The following SFI1 variants were observed in gnomAD, a reference collection of about 807,000 sequenced individuals.
SFI1 encodes the protein protein SFI1 homolog.
In SFI1, 195 loss-of-function variants were observed where a neutral mutation model predicts 207.5. The observed-to-expected ratio is 0.94, with a 90% CI of 0.84 to 1.06. SFI1 has a LOEUF of 1.06. Ranked by LOEUF, SFI1 falls within the 50% of genes least tolerant of loss-of-function variation. The pLI is 0.00. For synonymous variants in SFI1, 630 were observed against 598.9 expected (o/e 1.05, Z -0.76); for missense variants, 1,634 against 1,588.0 (o/e 1.03, Z -0.49).
intron 15 of SFI1, among the ~76,000 whole-genome samples, chr22:31,590,076 C>A (rs2065634718): frequency 1.3e-5 from 2 of 151,640 alleles, no homozygotes; most frequent in African/African-American, 4.9e-5. Flanking sequence ...ATGAGATCTG[C>A]CCACGCAGGC....
chr22:31,545,133 G>A (rs756136647), intron 4 of SFI1, among the ~76,000 whole-genome samples: 1 of 151,774 alleles, frequency 6.6e-6, no homozygotes, highest in Non-Finnish European at 1.5e-5. Context: ...TTGGGAGGCC[G>A]AGGCAGGCAG....
intron 22 of SFI1, 63 bp downstream of exon 22, chr22:31,608,096 C>G (rs1049681327): frequency 3.8e-6 from 5 of 1,332,820 alleles, no homozygotes; most frequent in Admixed American, 1.7e-5. Flanking sequence ...TTGTGGAGAT[C>G]CCTGTGGCCC....
intron 15 of SFI1, among the ~76,000 whole-genome samples, chr22:31,593,596 C>T (rs113131947): frequency 0.17 from 17,308 of 99,416 alleles, 1,749 homozygotes; most frequent in East Asian, 0.39. Context: ...GACGGGGTGG[C>T]GGCCGGGCAG....
chr22:31,608,992 T>G (rs2069569704), intron 22 of SFI1, among the ~76,000 whole-genome samples: 1 of 151,810 alleles, frequency 6.6e-6, no homozygotes, highest in Non-Finnish European at 1.5e-5. Context: ...GGTGACAGAA[T>G]GAGACCCAGT....
intron 3 of SFI1, 46 bp downstream of exon 3, chr22:31,528,909 TCTC>T (rs774603752): frequency 1.3e-6 from 2 of 1,550,374 alleles, no homozygotes; most frequent in South Asian, 2.4e-5. Flanking sequence ...TTGCTTTTGT[TCTC>T]CTTTCTTGGT....
At chr22:31,521,087 TA>T (rs1298688585) in intron 2 of SFI1, 2 of 152,316 alleles carry the variant, frequency 1.3e-5, no homozygotes. Context: ...AAAAAATTTT[TA>T]AAAATTAGCC....
chr22:31,559,338 G>A lies in SFI1; in HGVS notation c.663-1952G>A, dbSNP rs549108344. 21 of 219,316 alleles carry A rather than the reference G, an allele frequency of 9.6e-5. No homozygotes were observed. In the Admixed American group the frequency reaches 9.7e-4, roughly 10 times the overall value. The allele number at this position is 219,316 out of a possible 1,614,324, so 13.6% of individuals were successfully genotyped here. A position where few individuals can be genotyped will look rare whatever the true frequency, so the allele number is the denominator to read the frequency against. Reference sequence around the variant, plus strand: ...CTCGGGAGGCTGAGGCATGAGAACCGCTTGAACAAACAAGGCAGACGTTGC... The same window carrying A: ...CTCGGGAGGCTGAGGCATGAGAACCACTTGAACAAACAAGGCAGACGTTGC... On this transcript the variant is annotated intron_variant, in intron 7 of 32. Coordinates refer to ENST00000400288, the MANE Select transcript of SFI1 (RefSeq NM_001007467.3).
At chr22:31,611,688 C>A in intron 23 of SFI1, 78 bp from the exon 24 acceptor site, 1 of 1,399,614 alleles carries the variant, frequency 7.1e-7, no homozygotes, top group Non-Finnish European at 9.8e-7. Flanking sequence ...TGGGCAGAGG[C>A]TGGGTTAGAT....
chr22:31,554,198 G>C (rs750791140), intron 6 of SFI1, among the ~76,000 whole-genome samples: 4 of 151,820 alleles, frequency 2.6e-5, no homozygotes, highest in African/African-American at 4.8e-5. Context: ...CCTTAACCCA[G>C]GGTCACAAAG....
intron 2 of SFI1, among the ~76,000 whole-genome samples, chr22:31,517,714 T>C (rs1351143017): frequency 1.3e-5 from 2 of 152,152 alleles, no homozygotes. Flanking sequence ...AAAAAACTGC[T>C]CTATAGTGCC....
rs536195193 is a variant in SFI1 at position 31,598,609 on chromosome 22, C to T, written c.1545-3603C>T. On this transcript the variant is annotated intron_variant, in intron 15 of 32. Transcript: ENST00000400288. ...TAATTTTTTGTATTTTTAGTAGAGA[C>T]GGGGTTTCACTGTTAGCCAGGATGG... Among the ~76,000 whole-genome samples the T allele has an allele frequency of 7.1e-4, 102 of 143,144 alleles. 1 individual carries two copies. The highest frequency in any genetic ancestry group is 2.6e-3 in the Admixed American group (37 of 14,106). The allele number at this position is 143,144 out of a possible 152,430, so 93.9% of individuals were successfully genotyped here.
At chr22:31,496,385 C>G (rs983224021), upstream of SFI1, 5 of 152,384 alleles carry the variant, frequency 3.3e-5, no homozygotes, top group African/African-American at 1.2e-4. Context: ...CTCATTGCTG[C>G]TGCTGCAAAG....
intron 17 of SFI1, among the ~76,000 whole-genome samples, chr22:31,603,104 A>C (rs937272224): frequency 6.6e-6 from 1 of 152,210 alleles, no homozygotes; most frequent in African/African-American, 2.4e-5. Context: ...TGGTGGCGCA[A>C]GCATGTAATC....
At chr22:31,575,478 C>T (rs1222260432) in intron 10 of SFI1, 86 bp downstream of exon 10, 1 of 1,353,354 alleles carries the variant, frequency 7.4e-7, no homozygotes, top group Non-Finnish European at 9.8e-7. Context: ...TCATGAGATA[C>T]ATGGGAAACA....
chr22:31,515,519 C>A (rs1275321046), intron 2 of SFI1, among the ~76,000 whole-genome samples: 2 of 143,698 alleles, frequency 1.4e-5, no homozygotes, highest in East Asian at 2.1e-4. Flanking sequence ...GCTGGGACTA[C>A]AAATATGCAT....
At chr22:31,606,307 C>T in intron 20 of SFI1, 21 bp from the exon 21 acceptor site, 1 of 1,609,394 alleles carries the variant, frequency 6.2e-7, no homozygotes, top group East Asian at 2.2e-5. Flanking sequence ...ATCTGCCTTC[C>T]TCGCACCCAT....
At chr22:31,612,104 C>A (rs141658580) in intron 24 of SFI1, 5 of 1,134,118 alleles carry the variant, frequency 4.4e-6, no homozygotes, top group Non-Finnish European at 5.4e-6. Context: ...GGAGGCCGGG[C>A]GCAGTGGCTC....
chr22:31,585,132 C>A lies in SFI1; in HGVS notation c.1411C>A (p.Gln471Lys). 6.2e-7 allele frequency: 1 copy of A among 1,613,496 alleles called. No homozygotes were observed. Among genetic ancestry groups the A allele is most frequent in the African/African-American group, 1.3e-5 (1 of 75,022 alleles). The stretch of plus-strand genomic sequence containing the variant: ...GTATACTCAGAAGAGGCGGTACAAG[C>A]AGGTATGGAGTACTTTTTAGCAGAT... ...LQYTQKRRYK[Q>K]LLQARADGHF... Residue 471 changes from glutamine to lysine, a missense_variant and splice_region_variant, in exon 14 of 33, where the codon CAG (glutamine) becomes AAG (lysine). By Grantham distance (53) the Gln-to-Lys change is moderately conservative. Coordinates refer to ENST00000400288, the MANE Select transcript of SFI1 (RefSeq NM_001007467.3).
intron 14 of SFI1, among the ~76,000 whole-genome samples, chr22:31,589,023 A>G (rs1180634912): frequency 6.6e-6 from 1 of 152,182 alleles, no homozygotes; most frequent in Non-Finnish European, 1.5e-5. Context: ...CAAAATCAAA[A>G]GATATATTAT....
Sources: gnomAD v4.1 joint callset for allele counts (sites outside exome capture counted in the v4.1 genomes callset) on GRCh38, gnomAD v4.1.1 for gene constraint, MANE v1.5 for transcripts, NCBI Gene and HGNC (gene_info 2026-07-23, HGNC 2026-07-21) for gene names.